PCED1B: variants seen among roughly 807,000 people sequenced by gnomAD.
PCED1B encodes the protein PC-esterase domain-containing protein 1B.
For missense variants in PCED1B, 573 were observed against 573.9 expected (o/e 1.00, Z 0.02); for synonymous variants, 251 against 246.1 (o/e 1.02, Z -0.19).
chr12:47,232,608 C>T (rs376100509), intron 3 of PCED1B, among the ~76,000 whole-genome samples: 11 of 151,652 alleles, frequency 7.3e-5, no homozygotes, highest in East Asian at 5.8e-4. Context: ...GAAGTGGATG[C>T]CATGTTCCTC....
At chr12:47,192,718 G>A (rs1439298068) in intron 2 of PCED1B, among the ~76,000 whole-genome samples, 1 of 152,114 alleles carries the variant, frequency 6.6e-6, no homozygotes, top group East Asian at 1.9e-4. Context: ...AGCAATAATG[G>A]TAATAAAAAT....
intron 1 of PCED1B, among the ~76,000 whole-genome samples, chr12:47,100,072 T>C (rs972941846): frequency 2.0e-5 from 3 of 152,250 alleles, no homozygotes; most frequent in African/African-American, 7.2e-5. Context: ...GAAATATTAA[T>C]AGAAATTCTT....
chr12:47,191,786 G>T (rs942569794), intron 2 of PCED1B, among the ~76,000 whole-genome samples: 10 of 150,860 alleles, frequency 6.6e-5, no homozygotes, highest in South Asian at 4.2e-4. Context: ...GGTTTTTTTG[G>T]TTTTTTTGTT....
intron 3 of PCED1B, among the ~76,000 whole-genome samples, chr12:47,230,086 CTT>C (rs368243759): frequency 1.0e-4 from 12 of 114,850 alleles, no homozygotes; most frequent in Admixed American, 1.9e-4. Context: ...TAATCATTTT[CTT>C]TTTTTTTTTT....
chr12:47,149,667 T>C (rs1940919058), intron 2 of PCED1B, among the ~76,000 whole-genome samples: 1 of 152,216 alleles, frequency 6.6e-6, no homozygotes, highest in Non-Finnish European at 1.5e-5. Flanking sequence ...TTTAATAGCT[T>C]TTTCTTTTTC....
intron 2 of PCED1B, among the ~76,000 whole-genome samples, chr12:47,110,958 C>T (rs1305937053): frequency 6.6e-6 from 1 of 152,182 alleles, no homozygotes; most frequent in Non-Finnish European, 1.5e-5. Flanking sequence ...TGAAAGAATG[C>T]TCTGGTGTTC....
At chr12:47,229,606 T>C (rs1016590623) in intron 3 of PCED1B, among the ~76,000 whole-genome samples, 5 of 152,138 alleles carry the variant, frequency 3.3e-5, no homozygotes, top group South Asian at 2.1e-4. Context: ...GGTAATTTTA[T>C]ACAATACTTT....
intron 1 of PCED1B, among the ~76,000 whole-genome samples, chr12:47,087,051 A>G (rs1302908367): frequency 3.9e-5 from 6 of 152,252 alleles, no homozygotes; most frequent in African/African-American, 1.4e-4. Context: ...GCACTATTGC[A>G]AATACTTATT....
At chr12:47,103,846 A>G (rs779655975) in intron 1 of PCED1B, among the ~76,000 whole-genome samples, 1 of 152,208 alleles carries the variant, frequency 6.6e-6, no homozygotes, top group Non-Finnish European at 1.5e-5. Context: ...TGTGCACATA[A>G]TTAAGGAAAC....
intron 2 of PCED1B, among the ~76,000 whole-genome samples, chr12:47,146,505 A>G (rs1036996402): frequency 3.3e-5 from 5 of 152,194 alleles, no homozygotes; most frequent in African/African-American, 7.2e-5. Flanking sequence ...TGATGAGTCA[A>G]ATTTCATTTT....
rs545141126 is a variant in PCED1B at position 47,191,785 on chromosome 12, G to A, written c.-525-24437G>A. ...GACACAAAAGTTTTGGGGTTTTTTT[G>A]GTTTTTTTGTTTTGTTGTGTTGTGC... On this transcript the variant is annotated intron_variant, in intron 2 of 3. Coordinates refer to ENST00000546455, the MANE Select transcript of PCED1B (RefSeq NM_138371.3). Among the ~76,000 whole-genome samples the A allele has an allele frequency of 2.0e-3, 298 of 151,292 alleles. 2 individuals are homozygous for A. Among genetic ancestry groups the A allele is most frequent in the African/African-American group, 6.9e-3 (286 of 41,322 alleles).
At chr12:47,107,949 A>T (rs894047958) in intron 2 of PCED1B, among the ~76,000 whole-genome samples, 6 of 152,148 alleles carry the variant, frequency 3.9e-5, no homozygotes, top group Non-Finnish European at 7.4e-5. Context: ...TCTGGACCTC[A>T]GTTTTCTCAT....
chr12:47,129,508 A>C (rs1423372333), intron 2 of PCED1B, among the ~76,000 whole-genome samples: 1 of 152,042 alleles, frequency 6.6e-6, no homozygotes, highest in African/African-American at 2.4e-5. Context: ...TAAAATAATA[A>C]AATTTTAAAA....
At chr12:47,129,989 A>T (rs150138741) in intron 2 of PCED1B, among the ~76,000 whole-genome samples, 1 of 152,358 alleles carries the variant, frequency 6.6e-6, no homozygotes, top group Non-Finnish European at 1.5e-5. Context: ...GAGACTTAGT[A>T]GGTAAGACTC....
intron 2 of PCED1B, among the ~76,000 whole-genome samples, chr12:47,189,155 G>T (rs764269599): frequency 1.3e-5 from 2 of 151,898 alleles, no homozygotes; most frequent in Non-Finnish European, 2.9e-5. Context: ...TGTTTCATTG[G>T]TTCTTAGCCC....
chr12:47,079,818 C>A (rs1450569866), intron 1 of PCED1B, 93 bp downstream of exon 1: 7 of 149,142 alleles, frequency 4.7e-5, no homozygotes, highest in African/African-American at 7.3e-5. Flanking sequence ...GGCAGCCGGG[C>A]GGCAGCGGGC....
chr12:47,094,190 TTATCTC>T (rs1279283926), intron 1 of PCED1B, among the ~76,000 whole-genome samples: 3 of 152,170 alleles, frequency 2.0e-5, no homozygotes, highest in Non-Finnish European at 2.9e-5. Context: ...CTGTCTCACT[TTATCTC>T]TAATAATGTT....
chr12:47,123,830 C>T (rs977925378), intron 2 of PCED1B, among the ~76,000 whole-genome samples: 4 of 151,938 alleles, frequency 2.6e-5, no homozygotes, highest in African/African-American at 7.2e-5. Flanking sequence ...TTCAAATTTT[C>T]GTTGTAACTT....
chr12:47,147,089 C>G (rs1293270222), intron 2 of PCED1B, among the ~76,000 whole-genome samples: 4 of 149,928 alleles, frequency 2.7e-5, no homozygotes, highest in Non-Finnish European at 5.9e-5. Context: ...CAATTTCCAC[C>G]TCCTGGGCTC....
Sources: gnomAD v4.1 joint callset for allele counts (sites outside exome capture counted in the v4.1 genomes callset) on GRCh38, gnomAD v4.1.1 for gene constraint, MANE v1.5 for transcripts, NCBI Gene and HGNC (gene_info 2026-07-23, HGNC 2026-07-21) for gene names.